Variants in PAMR1 observed in about 807,000 individuals in gnomAD.
PAMR1 encodes the protein inactive serine protease PAMR1.
In PAMR1, 88 loss-of-function variants were observed where a neutral mutation model predicts 81.8. The observed-to-expected ratio is 1.08, with a 90% CI of 0.91 to 1.28. PAMR1 has a LOEUF of 1.28. Ranked by LOEUF, PAMR1 falls within the 50% of genes most tolerant of loss-of-function variation. The pLI is 0.00. For missense variants in PAMR1, 935 were observed against 919.7 expected (o/e 1.02, Z -0.21); for synonymous variants, 336 against 345.3 (o/e 0.97, Z 0.30).
intron 8 of PAMR1, among the ~76,000 whole-genome samples, chr11:35,437,398 A>G (rs599338): frequency 0.49 from 74,889 of 152,178 alleles, 19,029 homozygotes; most frequent in African/African-American, 0.61. Flanking sequence ...CCAATATATC[A>G]TCACAAGAAA....
upstream of PAMR1, chr11:35,525,803 C>A (rs905703008): frequency 8.3e-5 from 48 of 577,990 alleles, 1 homozygote; most frequent in South Asian, 9.7e-4. Flanking sequence ...TTAACCCTTG[C>A]GGGGCCCCGG....
chr11:35,484,899 T>A (rs189758045), intron 3 of PAMR1, among the ~76,000 whole-genome samples: 1 of 152,322 alleles, frequency 6.6e-6, no homozygotes, highest in East Asian at 1.9e-4. Context: ...ACCAGTCCAG[T>A]GGTCAGCAGT....
chr11:35,467,969 C>A, intron 6 of PAMR1, 32 bp downstream of exon 6: 1 of 1,350,370 alleles, frequency 7.4e-7, no homozygotes, highest in Non-Finnish European at 1.0e-6. Context: ...CCCCATCTGA[C>A]ACCTTAACTC....
At chr11:35,529,736 G>A (rs1851437123), upstream of PAMR1, among the ~76,000 whole-genome samples, 1 of 152,150 alleles carries the variant, frequency 6.6e-6, no homozygotes, top group African/African-American at 2.4e-5. Context: ...CTTGCTTCGG[G>A]GAGAATAAAT....
At chr11:35,511,042 G>A (rs1851063277) in intron 1 of PAMR1, among the ~76,000 whole-genome samples, 1 of 152,192 alleles carries the variant, frequency 6.6e-6, no homozygotes, top group Non-Finnish European at 1.5e-5. Flanking sequence ...TTTCATCAAT[G>A]AGAATAGCAA....
At chr11:35,518,576 A>G (rs968355110) in intron 1 of PAMR1, among the ~76,000 whole-genome samples, 19 of 138,616 alleles carry the variant, frequency 1.4e-4, no homozygotes, top group Middle Eastern at 3.6e-3. Context: ...TGGTCAAACA[A>G]CTTGAGGTGA....
At chr11:35,470,465 C>T in intron 5 of PAMR1, 136 bp downstream of exon 5, 2 of 667,808 alleles carry the variant, frequency 3.0e-6, no homozygotes, top group Admixed American at 2.8e-5. Context: ...TCTTTTTTCT[C>T]AGTGTGTAGG....
At chr11:35,479,206 T>TA (rs1207706563) in intron 3 of PAMR1, among the ~76,000 whole-genome samples, 2 of 152,104 alleles carry the variant, frequency 1.3e-5, no homozygotes, top group African/African-American at 2.4e-5. Flanking sequence ...AAGGAGGACT[T>TA]AAAAAAATTC....
rs1856698360 is a variant in PAMR1, at chr11:35,463,384, GT to G, written c.820+4616del. Among the ~76,000 whole-genome samples, 2 of 152,192 alleles carry G rather than the reference GT, an allele frequency of 1.3e-5. 1 individual carries two copies. The highest frequency in any genetic ancestry group is 4.1e-4 in the South Asian group (2 of 4,834). On this transcript the variant is annotated intron_variant, in intron 6 of 10. Coordinates refer to ENST00000619888, the MANE Select transcript of PAMR1 (RefSeq NM_001001991.3). ...AGCATTGTGCCCCAAGAGTTAGCCT[GT>G]TTCATCGTCCTTCATTAGGATGCAG... is the stretch of plus-strand genomic sequence containing the variant.
At position 35,432,601 on chromosome 11, in the gene PAMR1, G is replaced by A. The variant is rs1855932123; in HGVS notation, c.1918C>T (p.Pro640Ser). The A allele has an allele frequency of 6.2e-7, 1 of 1,613,986 alleles. No individual in the cohort carries two copies. The highest frequency in any genetic ancestry group is 8.5e-7 in the Non-Finnish European group (1 of 1,179,998). The change falls in exon 11 of 11, where the codon CCA (proline) becomes TCA (serine). Residue 640 changes from proline to serine, a missense_variant. Pro to Ser is a moderately conservative substitution (Grantham distance 74, BLOSUM62 -1). Coordinates refer to ENST00000619888, the MANE Select transcript of PAMR1 (RefSeq NM_001001991.3). Reference protein sequence around the residue: ...CEEQHEDHGIPVSVTDNMFCA... With the variant: ...CEEQHEDHGISVSVTDNMFCA... ...AACATGTTATCAGTGACACTCACTG[G>A]GATGCCATGGTCCTCATGCTGCTCC...
intron 6 of PAMR1, among the ~76,000 whole-genome samples, chr11:35,457,148 G>T (rs1312613913): frequency 1.3e-5 from 2 of 152,172 alleles, no homozygotes; most frequent in Non-Finnish European, 2.9e-5. Flanking sequence ...ATGTCTGTGA[G>T]GGTGTTTCTG....
intron 4 of PAMR1, among the ~76,000 whole-genome samples, chr11:35,472,848 G>C (rs1409657185): frequency 6.6e-6 from 1 of 152,354 alleles, no homozygotes; most frequent in East Asian, 1.9e-4. Context: ...GCCTGCGATA[G>C]ATCTTGTGTG....
At chr11:35,508,668 T>C (rs1321108379) in intron 1 of PAMR1, among the ~76,000 whole-genome samples, 1 of 152,014 alleles carries the variant, frequency 6.6e-6, no homozygotes, top group Non-Finnish European at 1.5e-5. Flanking sequence ...AGAGATATCT[T>C]TTTATGCTCA....
intron 6 of PAMR1, among the ~76,000 whole-genome samples, chr11:35,465,695 T>C (rs1229117432): frequency 6.6e-6 from 1 of 152,198 alleles, no homozygotes; most frequent in Admixed American, 6.5e-5. Context: ...AAATGACATA[T>C]CGGATATCCA....
chr11:35,516,721 T>G (rs1463725128), intron 1 of PAMR1, among the ~76,000 whole-genome samples: 1 of 152,158 alleles, frequency 6.6e-6, no homozygotes, highest in African/African-American at 2.4e-5. Context: ...ACAGACCACT[T>G]TCAGGTTGTG....
At chr11:35,503,434 A>G (rs1254748310) in intron 1 of PAMR1, among the ~76,000 whole-genome samples, 4 of 152,024 alleles carry the variant, frequency 2.6e-5, no homozygotes, top group Admixed American at 6.5e-5. Context: ...TGCTTTGAGT[A>G]GTATTGCTTT....
chr11:35,443,170 T>C (rs1176458440), intron 6 of PAMR1, among the ~76,000 whole-genome samples: 2 of 147,254 alleles, frequency 1.4e-5, no homozygotes, highest in Non-Finnish European at 3.0e-5. Flanking sequence ...CTCTGTGCAA[T>C]GCAACTGTGC....
intron 1 of PAMR1, among the ~76,000 whole-genome samples, chr11:35,508,000 A>C (rs663084): frequency 0.45 from 68,046 of 151,936 alleles, 15,650 homozygotes; most frequent in East Asian, 0.68. Flanking sequence ...CTCCTGCAGC[A>C]TAGTGCCACT....
At chr11:35,481,214 T>C (rs1350422512) in intron 3 of PAMR1, among the ~76,000 whole-genome samples, 1 of 152,248 alleles carries the variant, frequency 6.6e-6, no homozygotes, top group East Asian at 1.9e-4. Flanking sequence ...CCTTTGGGTA[T>C]ACACCCAGTA....
Sources: gnomAD v4.1 joint callset for allele counts (sites outside exome capture counted in the v4.1 genomes callset) on GRCh38, gnomAD v4.1.1 for gene constraint, MANE v1.5 for transcripts, NCBI Gene and HGNC (gene_info 2026-07-23, HGNC 2026-07-21) for gene names.